SCHIP1: variants seen among roughly 807,000 people sequenced by gnomAD.
SCHIP1 encodes the protein schwannomin-interacting protein 1.
SCHIP1 carries 8 observed loss-of-function variants against 29.7 expected under a neutral mutation model. That is an observed-to-expected ratio of 0.27 (90% CI 0.16 to 0.49). The LOEUF (loss-of-function observed/expected upper bound fraction) is 0.49. Among genes scored for constraint, SCHIP1 ranks in the 20% least tolerant of loss-of-function variants. SCHIP1 has a pLI of 0.99. For synonymous variants in SCHIP1, 76 were observed against 94.9 expected (o/e 0.80, Z 1.16); for missense variants, 193 against 294.6 (o/e 0.66, Z 2.52).
the SCHIP1 span, among the ~76,000 whole-genome samples, chr3:159,732,820 T>C: frequency 7.9e-5 from 12 of 152,234 alleles, no homozygotes; most frequent in Admixed American, 5.9e-4. Flanking sequence ...CTGCAAGTGC[T>C]GAAGGCTTTC....
chr3:159,311,587 A>G, the SCHIP1 span, among the ~76,000 whole-genome samples: 1 of 152,152 alleles, frequency 6.6e-6, no homozygotes, highest in Admixed American at 6.6e-5. Flanking sequence ...ATATTACGTA[A>G]TATACACCAA....
the SCHIP1 span, among the ~76,000 whole-genome samples, chr3:159,815,499 C>T: frequency 1.2e-4 from 19 of 152,214 alleles, no homozygotes; most frequent in South Asian, 6.2e-4. Flanking sequence ...TTGAAAAGGA[C>T]GCCGAAGGTG....
At chr3:159,821,271 G>A in the SCHIP1 span, among the ~76,000 whole-genome samples, 1 of 152,220 alleles carries the variant, frequency 6.6e-6, no homozygotes, top group African/African-American at 2.4e-5. Flanking sequence ...ATTGTAGACA[G>A]CAAGTCTGGA....
the SCHIP1 span, among the ~76,000 whole-genome samples, chr3:159,509,622 C>A: frequency 1.3e-5 from 2 of 152,122 alleles, no homozygotes; most frequent in Admixed American, 6.5e-5. Flanking sequence ...TTCCTTTCCA[C>A]GTTTAGTACT....
intron 1 of SCHIP1, among the ~76,000 whole-genome samples, chr3:159,840,765 G>T (rs1744145094): frequency 1.3e-5 from 2 of 151,996 alleles, no homozygotes. Flanking sequence ...TTAAATGGTT[G>T]GTAAATAAGC....
rs868127156 is a variant in SCHIP1, at chr3:159,848,620, G to A, written c.30+8406G>A. Among the ~76,000 whole-genome samples the A allele has an allele frequency of 3.2e-4, 48 of 151,974 alleles. 1 individual carries two copies. The highest frequency in any genetic ancestry group is 3.4e-3 in the Middle Eastern group (1 of 294). The stretch of plus-strand genomic sequence containing the variant: ...ATGATTTTTTTTTTCAAGTTCTAGA[G>A]CAACCCTTCTACACTTTAAGGTATA... On this transcript the variant is annotated intron_variant, in intron 1 of 6. Coordinates refer to ENST00000445224, the Ensembl canonical transcript of SCHIP1.
the SCHIP1 span, among the ~76,000 whole-genome samples, chr3:159,384,936 T>G: frequency 6.6e-6 from 1 of 152,230 alleles, no homozygotes; most frequent in African/African-American, 2.4e-5. Context: ...GTTTTTGTAT[T>G]TCTGTGGGAT....
the SCHIP1 span, among the ~76,000 whole-genome samples, chr3:159,780,035 G>A: frequency 6.6e-6 from 1 of 152,150 alleles, no homozygotes; most frequent in African/African-American, 2.4e-5. Context: ...CCCAGCTTCC[G>A]TTTGGGGGAC....
At chr3:159,379,885 T>C in the SCHIP1 span, among the ~76,000 whole-genome samples, 1 of 152,190 alleles carries the variant, frequency 6.6e-6, no homozygotes, top group Non-Finnish European at 1.5e-5. Flanking sequence ...AGCTCTACCA[T>C]GTACTATGCA....
At chr3:159,883,603 T>A (rs567044460) in intron 2 of SCHIP1, among the ~76,000 whole-genome samples, 92 of 152,252 alleles carry the variant, frequency 6.0e-4, no homozygotes, top group Non-Finnish European at 1.2e-3. Context: ...AACAAATCCT[T>A]CTTGAAACCT....
chr3:159,412,933 G>C, the SCHIP1 span, among the ~76,000 whole-genome samples: 1 of 152,164 alleles, frequency 6.6e-6, no homozygotes, highest in East Asian at 1.9e-4. Flanking sequence ...AACTGCCTGA[G>C]ACTGAATAAT....
the SCHIP1 span, among the ~76,000 whole-genome samples, chr3:159,521,756 G>A: frequency 2.0e-5 from 3 of 152,298 alleles, no homozygotes; most frequent in East Asian, 1.9e-4. Context: ...CTGAGTTGGT[G>A]AGTCATATCC....
the SCHIP1 span, among the ~76,000 whole-genome samples, chr3:159,411,803 T>A: frequency 6.6e-6 from 1 of 152,190 alleles, no homozygotes; most frequent in Admixed American, 6.5e-5. Flanking sequence ...GTCTGTGTCA[T>A]CTGATCCAAA....
At chr3:159,639,281 T>A in the SCHIP1 span, among the ~76,000 whole-genome samples, 1 of 152,314 alleles carries the variant, frequency 6.6e-6, no homozygotes, top group East Asian at 1.9e-4. Context: ...GGATCTTAAA[T>A]GTGTTTTTCT....
At chr3:159,541,296 A>C in the SCHIP1 span, among the ~76,000 whole-genome samples, 1 of 152,094 alleles carries the variant, frequency 6.6e-6, no homozygotes, top group East Asian at 1.9e-4. Context: ...CATAAACTAA[A>C]ATGATACAAA....
chr3:159,284,458 G>T, the SCHIP1 span, among the ~76,000 whole-genome samples: 1 of 151,944 alleles, frequency 6.6e-6, no homozygotes, highest in Admixed American at 6.6e-5. Context: ...ATATTTTAAT[G>T]TAATATTTAG....
At chr3:159,294,886 C>T in the SCHIP1 span, among the ~76,000 whole-genome samples, 1 of 151,994 alleles carries the variant, frequency 6.6e-6, no homozygotes, top group Non-Finnish European at 1.5e-5. Flanking sequence ...CTGACTGGCT[C>T]ATAAGAATTA....
the SCHIP1 span, among the ~76,000 whole-genome samples, chr3:159,596,737 G>A: frequency 6.6e-6 from 1 of 151,860 alleles, no homozygotes; most frequent in Admixed American, 6.6e-5. Flanking sequence ...CTTATAGGTG[G>A]GAACTGAACA....
At chr3:159,311,531 A>G in the SCHIP1 span, among the ~76,000 whole-genome samples, 1 of 152,118 alleles carries the variant, frequency 6.6e-6, no homozygotes, top group East Asian at 1.9e-4. Flanking sequence ...ATAATCTATA[A>G]TTATTAAATT....
Sources: gnomAD v4.1 joint callset for allele counts (sites outside exome capture counted in the v4.1 genomes callset) on GRCh38, gnomAD v4.1.1 for gene constraint, MANE v1.5 for transcripts, NCBI Gene and HGNC (gene_info 2026-07-23, HGNC 2026-07-21) for gene names.